SUSD1: variants seen among roughly 807,000 people sequenced by gnomAD.
SUSD1 encodes sushi domain-containing protein 1.
SUSD1 carries 65 observed loss-of-function variants against 86.9 expected under a neutral mutation model. The ratio of observed to expected loss-of-function variants is 0.75; its 90% CI spans 0.61 to 0.92. The LOEUF is 0.92. Ranked by LOEUF, SUSD1 falls within the 40% of genes least tolerant of loss-of-function variation. SUSD1 has a pLI of 0.00. For missense variants in SUSD1, 850 were observed against 929.7 expected (o/e 0.91, Z 1.11); for synonymous variants, 346 against 350.0 (o/e 0.99, Z 0.13).
chr9:112,062,314 C>T (rs1051114992), intron 13 of SUSD1, among the ~76,000 whole-genome samples: 4 of 152,174 alleles, frequency 2.6e-5, no homozygotes, highest in African/African-American at 9.7e-5. Context: ...TCCTAACATG[C>T]AACCGACGTT....
intron 15 of SUSD1, 49 bp from the exon 16 acceptor site, chr9:112,042,009 C>A: frequency 6.2e-7 from 1 of 1,600,788 alleles, no homozygotes; most frequent in South Asian, 1.1e-5. Flanking sequence ...GCATCACCAC[C>A]TCCCAGGAGG....
At position 112,102,268 on chromosome 9, in the gene SUSD1, C is replaced by T; in HGVS notation, c.1189G>A (p.Asp397Asn). 1.3e-6 allele frequency: 2 copies of T among 1,575,032 alleles called. No homozygotes were observed. The highest frequency in any genetic ancestry group is 1.7e-6 in the Non-Finnish European group (2 of 1,155,246). ...ATTGAAATATTGAAACTTCCATCAT[C>T]TTCTAAGAGATCAACTTCTAAAAGA... The part of the protein sequence containing the change: ...FQTAEVDLLE[D>N]DGSFNISIFN... Residue 397 changes from aspartate (D) to asparagine (N), a missense_variant, in exon 9 of 17, where the codon GAT becomes AAT. By Grantham distance (23) the Asp-to-Asn change is conservative. Transcript: ENST00000374270.
intron 8 of SUSD1, among the ~76,000 whole-genome samples, chr9:112,105,163 A>G (rs1216478696): frequency 6.6e-6 from 1 of 152,188 alleles, no homozygotes; most frequent in Non-Finnish European, 1.5e-5. Context: ...GAAATGGTAA[A>G]GATAGGAAAT....
At chr9:112,106,835 C>G (rs1375632763) in intron 8 of SUSD1, among the ~76,000 whole-genome samples, 1 of 149,492 alleles carries the variant, frequency 6.7e-6, no homozygotes, top group Non-Finnish European at 1.5e-5. Context: ...AAGAAATACA[C>G]ACTCAAATAG....
intron 13 of SUSD1, 34 bp downstream of exon 13, chr9:112,062,903 A>G (rs756384644): frequency 2.8e-6 from 4 of 1,412,506 alleles, no homozygotes; most frequent in Non-Finnish European, 4.0e-6. Flanking sequence ...CATGGGGATC[A>G]CTGGGCAACC....
chr9:112,096,906 G>A (rs1012854217), intron 10 of SUSD1, among the ~76,000 whole-genome samples: 7 of 151,974 alleles, frequency 4.6e-5, no homozygotes, highest in South Asian at 2.1e-4. Flanking sequence ...TTCAATTTGC[G>A]AGCATTACTA....
intron 5 of SUSD1, 27 bp downstream of exon 5, chr9:112,142,293 G>A: frequency 6.6e-7 from 1 of 1,524,298 alleles, no homozygotes; most frequent in South Asian, 1.3e-5. Flanking sequence ...GGTATGAATT[G>A]GGAACCTGTA....
intron 12 of SUSD1, among the ~76,000 whole-genome samples, chr9:112,067,485 T>C (rs1294480036): frequency 4.6e-5 from 7 of 152,262 alleles, no homozygotes; most frequent in African/African-American, 1.7e-4. Flanking sequence ...ATCCAGCGCC[T>C]TGGTATTCTG....
At chr9:112,073,965 C>T (rs979341607) in intron 12 of SUSD1, among the ~76,000 whole-genome samples, 2 of 152,106 alleles carry the variant, frequency 1.3e-5, no homozygotes, top group Non-Finnish European at 2.9e-5. Context: ...ACCTGTGATC[C>T]CAGCACTTTG....
At chr9:112,084,621 C>T (rs916344450) in intron 10 of SUSD1, among the ~76,000 whole-genome samples, 1 of 152,084 alleles carries the variant, frequency 6.6e-6, no homozygotes, top group Admixed American at 6.5e-5. Flanking sequence ...CAGTTTCAGC[C>T]ACAGGCAGGT....
intron 12 of SUSD1, among the ~76,000 whole-genome samples, chr9:112,071,465 A>G (rs575006479): frequency 3.9e-5 from 6 of 152,230 alleles, no homozygotes; most frequent in African/African-American, 1.4e-4. Flanking sequence ...GTCTCAAAAA[A>G]AATTGAAAAG....
At chr9:112,137,632 C>G (rs888813313) in intron 5 of SUSD1, among the ~76,000 whole-genome samples, 1 of 152,104 alleles carries the variant, frequency 6.6e-6, no homozygotes, top group Non-Finnish European at 1.5e-5. Context: ...GATCAAAATG[C>G]GTGTAGAGCC....
intron 1 of SUSD1, among the ~76,000 whole-genome samples, chr9:112,160,190 A>G (rs953252076): frequency 2.6e-5 from 4 of 152,218 alleles, no homozygotes; most frequent in Admixed American, 6.5e-5. Context: ...AAAGACTAGG[A>G]AGGTATAAAC....
At chr9:112,153,138 G>A (rs1350677004) in intron 2 of SUSD1, among the ~76,000 whole-genome samples, 1 of 151,706 alleles carries the variant, frequency 6.6e-6, no homozygotes, top group Non-Finnish European at 1.5e-5. Flanking sequence ...GTGGTGGTTT[G>A]CCTCTGTAGT....
intron 16 of SUSD1, among the ~76,000 whole-genome samples, 182 bp downstream of exon 16, chr9:112,041,685 C>A (rs542882978): frequency 1.3e-5 from 2 of 152,262 alleles, no homozygotes; most frequent in South Asian, 4.2e-4. Context: ...GGAAGGCATC[C>A]CCCATGCTAC....
At chr9:112,148,132 C>A (rs1209861802) in intron 3 of SUSD1, among the ~76,000 whole-genome samples, 1 of 152,120 alleles carries the variant, frequency 6.6e-6, no homozygotes, top group Non-Finnish European at 1.5e-5. Flanking sequence ...TTCCTGAAAA[C>A]CTTTAAATAT....
intron 10 of SUSD1, among the ~76,000 whole-genome samples, chr9:112,097,168 A>T (rs1830430261): frequency 6.6e-6 from 1 of 151,838 alleles, no homozygotes; most frequent in Non-Finnish European, 1.5e-5. Context: ...TCTACTAAAA[A>T]TACAAAAATT....
intron 8 of SUSD1, among the ~76,000 whole-genome samples, chr9:112,106,965 T>A (rs368024593): frequency 2.0e-4 from 31 of 151,302 alleles, no homozygotes; most frequent in African/African-American, 7.5e-4. Context: ...CAAAGTAGCA[T>A]TAAAAAGGGA....
At chr9:112,041,759 C>G in intron 16 of SUSD1, 108 bp downstream of exon 16, 1 of 1,103,700 alleles carries the variant, frequency 9.1e-7, no homozygotes, top group South Asian at 1.4e-5. Flanking sequence ...CAAGGACAAC[C>G]TCCACCCACA....
Sources: allele counts gnomAD v4.1 joint callset (sites outside exome capture counted in the v4.1 genomes callset), GRCh38; gene constraint gnomAD v4.1.1; transcripts MANE v1.5; gene names NCBI Gene and HGNC (gene_info 2026-07-23, HGNC 2026-07-21).